The following AKAP13 variants were observed in gnomAD, a reference collection of about 807,000 sequenced individuals.
AKAP13 encodes A-kinase anchor protein 13.
A neutral mutation model predicts 264.5 loss-of-function variants in AKAP13; 80 were observed. The observed-to-expected ratio is 0.30, with a 90% CI of 0.25 to 0.36. AKAP13 has a LOEUF of 0.36. AKAP13 is among the 10% of genes least tolerant of loss of function. The probability of loss-of-function intolerance (pLI) is 1.00; values close to 1 mark genes in which losing one functional copy is unlikely to be tolerated. For missense variants in AKAP13, 3,712 were observed against 3,435.2 expected (o/e 1.08, Z -2.01); for synonymous variants, 1,380 against 1,250.2 (o/e 1.10, Z -2.19).
Position 85,671,455 on chromosome 15 carries a change from A to G in AKAP13, c.5101+1625A>G, listed in dbSNP as rs991327632. Among the ~76,000 whole-genome samples, 1,122 of 134,320 alleles carry G rather than the reference A, an allele frequency of 8.4e-3. 7 individuals carry two copies. The highest frequency in any genetic ancestry group is 0.017 in the South Asian group (76 of 4,418). The allele number at this position is 134,320 out of a possible 152,430, so 88.1% of individuals were successfully genotyped here. ...CCTCAAAAAAAAAAAAAAAAAAAAA[A>G]AAAGAGAGAGAGAGAAAGACATAAT... On this transcript the variant is annotated intron_variant, in intron 14 of 36. Coordinates refer to ENST00000394518, the MANE Select transcript of AKAP13 (RefSeq NM_007200.5).
intron 1 of AKAP13, among the ~76,000 whole-genome samples, chr15:85,449,926 G>T (rs1372595838): frequency 6.6e-6 from 1 of 152,108 alleles, no homozygotes. Context: ...GATGATGCTG[G>T]CCTCATAGAG....
intron 15 of AKAP13, among the ~76,000 whole-genome samples, chr15:85,684,266 T>A (rs1157177447): frequency 6.6e-6 from 1 of 152,068 alleles, no homozygotes; most frequent in Non-Finnish European, 1.5e-5. Flanking sequence ...AATCCATAAT[T>A]AAAACATTAA....
intron 1 of AKAP13, among the ~76,000 whole-genome samples, chr15:85,388,870 T>TA (rs1422769948): frequency 6.6e-6 from 1 of 152,116 alleles, no homozygotes. Context: ...TCCTTGGGGG[T>TA]AAAGTTATTT....
intron 1 of AKAP13, among the ~76,000 whole-genome samples, chr15:85,405,937 T>A (rs1286135965): frequency 6.6e-6 from 1 of 151,900 alleles, no homozygotes; most frequent in Non-Finnish European, 1.5e-5. Flanking sequence ...AACCTTGAAC[T>A]CCTGGGCTCA....
At chr15:85,585,588 C>T (rs1347944916) in intron 7 of AKAP13, 114 bp from the exon 8 acceptor site, 8 of 1,436,810 alleles carry the variant, frequency 5.6e-6, no homozygotes, top group Admixed American at 3.7e-5. Flanking sequence ...AATACTTTTC[C>T]ATTTTAACGC....
At chr15:85,652,746 A>G (rs1429104190) in intron 10 of AKAP13, among the ~76,000 whole-genome samples, 1 of 152,060 alleles carries the variant, frequency 6.6e-6, no homozygotes, top group African/African-American at 2.4e-5. Context: ...CCTCTCTTCT[A>G]GTCTCTGGTG....
chr15:85,635,328 C>CT (rs1209166627), intron 8 of AKAP13, among the ~76,000 whole-genome samples: 2 of 151,798 alleles, frequency 1.3e-5, no homozygotes, highest in Non-Finnish European at 2.9e-5. Context: ...TGTTGGGTAT[C>CT]TTTTTTTTGC....
At chr15:85,476,565 T>G (rs1227332729) in intron 1 of AKAP13, among the ~76,000 whole-genome samples, 1 of 152,254 alleles carries the variant, frequency 6.6e-6, no homozygotes, top group Non-Finnish European at 1.5e-5. Context: ...ATCTTTAATT[T>G]TATGTATTCT....
intron 26 of AKAP13, among the ~76,000 whole-genome samples, chr15:85,725,582 C>T (rs1034539356): frequency 5.3e-5 from 8 of 152,092 alleles, no homozygotes; most frequent in African/African-American, 1.7e-4. Flanking sequence ...ATTTCAGTTG[C>T]GGCAGAGGTA....
chr15:85,396,598 C>G (rs773113223), intron 1 of AKAP13, among the ~76,000 whole-genome samples: 1 of 152,048 alleles, frequency 6.6e-6, no homozygotes, highest in Non-Finnish European at 1.5e-5. Context: ...ACGAACTATT[C>G]TTTTTAGTGA....
At chr15:85,731,580 C>T (rs2088039478) in intron 30 of AKAP13, among the ~76,000 whole-genome samples, 1 of 152,150 alleles carries the variant, frequency 6.6e-6, no homozygotes, top group Non-Finnish European at 1.5e-5. Flanking sequence ...CAGACTTGAT[C>T]TCTTTGGTAA....
At chr15:85,629,440 C>G (rs1202427296) in intron 8 of AKAP13, among the ~76,000 whole-genome samples, 3 of 152,080 alleles carry the variant, frequency 2.0e-5, no homozygotes, top group African/African-American at 7.2e-5. Context: ...CTTTTTTCTT[C>G]AGAATCACTG....
At chr15:85,607,446 C>CATTT (rs2080401843) in intron 8 of AKAP13, among the ~76,000 whole-genome samples, 1 of 152,166 alleles carries the variant, frequency 6.6e-6, no homozygotes, top group Non-Finnish European at 1.5e-5. Context: ...TACATTAATT[C>CATTT]ATTTATTGCT....
At chr15:85,405,640 T>G (rs535968847) in intron 1 of AKAP13, among the ~76,000 whole-genome samples, 3 of 152,330 alleles carry the variant, frequency 2.0e-5, no homozygotes, top group African/African-American at 7.2e-5. Flanking sequence ...GCTAGGATAC[T>G]TATTGAGCTA....
chr15:85,565,739 G>A (rs1026919502), intron 5 of AKAP13, among the ~76,000 whole-genome samples: 1 of 152,204 alleles, frequency 6.6e-6, no homozygotes, highest in Non-Finnish European at 1.5e-5. Context: ...GGGCCTCATA[G>A]TTCACCTAAG....
chr15:85,529,992 T>TC (rs2077196519), intron 3 of AKAP13, among the ~76,000 whole-genome samples: 1 of 152,238 alleles, frequency 6.6e-6, no homozygotes, highest in South Asian at 2.1e-4. Flanking sequence ...TTGGACAGTT[T>TC]CTCAGGTATC....
intron 1 of AKAP13, among the ~76,000 whole-genome samples, chr15:85,458,535 A>T (rs1455136776): frequency 6.6e-6 from 1 of 150,984 alleles, no homozygotes; most frequent in African/African-American, 2.4e-5. Context: ...CATTCTCCTA[A>T]TGTTATATAG....
intron 35 of AKAP13, among the ~76,000 whole-genome samples, chr15:85,743,142 A>G (rs1450850687): frequency 6.6e-6 from 1 of 152,148 alleles, no homozygotes; most frequent in African/African-American, 2.4e-5. Flanking sequence ...CCCTGTGTAG[A>G]GCAATCTTAA....
intron 17 of AKAP13, among the ~76,000 whole-genome samples, chr15:85,697,765 A>G (rs1323668389): frequency 6.6e-6 from 1 of 152,220 alleles, no homozygotes; most frequent in Non-Finnish European, 1.5e-5. Context: ...ATAAAGGAAT[A>G]AGATGGCTTC....
Sources: allele counts gnomAD v4.1 joint callset (sites outside exome capture counted in the v4.1 genomes callset), GRCh38; gene constraint gnomAD v4.1.1; transcripts MANE v1.5; gene names NCBI Gene and HGNC (gene_info 2026-07-23, HGNC 2026-07-21).